DOCK9: variants seen among roughly 807,000 people sequenced by gnomAD.
The protein encoded by DOCK9 is dedicator of cytokinesis protein 9.
DOCK9 carries 89 observed loss-of-function variants against 263.3 expected under a neutral mutation model. The observed-to-expected ratio is 0.34, with a 90% CI of 0.28 to 0.40. The LOEUF (loss-of-function observed/expected upper bound fraction) is 0.40, where lower values mean the gene tolerates loss of function less well. Among genes scored for constraint, DOCK9 ranks in the 10% least tolerant of loss-of-function variants. DOCK9 has a pLI of 1.00. For missense variants in DOCK9, 2,140 were observed against 2,603.4 expected (o/e 0.82, Z 3.87); for synonymous variants, 976 against 973.1 (o/e 1.00, Z -0.06).
At chr13:98,979,643 C>T (rs148298320), upstream of DOCK9, among the ~76,000 whole-genome samples, 2,063 of 152,230 alleles carry the variant, frequency 0.014, 37 homozygotes, top group South Asian at 0.066. Flanking sequence ...TACCCAATCT[C>T]TCAACCTTGG....
Position 98,848,716 on chromosome 13 carries a change from TAAC to T in DOCK9, c.4014-80_4014-78del, listed in dbSNP as rs2141438727. On this transcript the variant is annotated intron_variant, in intron 36 of 52. Coordinates refer to ENST00000682017, the MANE Select transcript of DOCK9 (RefSeq NM_001366683.2). ...CGGGACGTTATTTATCTGTTAACAA[TAAC>T]AAATTCAATAAACATTATGTCTAGT... The T allele has an allele frequency of 2.1e-6, 3 of 1,400,562 alleles. No homozygotes were observed. In the East Asian group the frequency reaches 7.4e-5, roughly 35 times the overall value. 86.8% of individuals were successfully genotyped at this position (1,400,562 alleles called of 1,614,324 possible). A position where few individuals can be genotyped will look rare whatever the true frequency, so the allele number is the denominator to read the frequency against.
intron 1 of DOCK9, among the ~76,000 whole-genome samples, chr13:98,971,508 C>T (rs1242565489): frequency 2.3e-5 from 3 of 129,886 alleles, no homozygotes; most frequent in African/African-American, 6.4e-5. Flanking sequence ...GACATCGAGA[C>T]CATCCTGGCT....
chr13:98,949,548 G>A (rs190591245), intron 2 of DOCK9, among the ~76,000 whole-genome samples: 3 of 152,328 alleles, frequency 2.0e-5, no homozygotes, highest in Admixed American at 2.0e-4. Flanking sequence ...GGAAATGACT[G>A]TGATGAGAGG....
At chr13:99,066,335 T>C (rs2041414839) in intron 1 of DOCK9, among the ~76,000 whole-genome samples, 1 of 146,394 alleles carries the variant, frequency 6.8e-6, no homozygotes, top group African/African-American at 2.5e-5. Flanking sequence ...TTGTGTTCTA[T>C]GGAGCTTAAA....
At chr13:98,881,769 A>G (rs1280664219) in intron 24 of DOCK9, 123 bp downstream of exon 24, 1 of 1,243,410 alleles carries the variant, frequency 8.0e-7, no homozygotes, top group Non-Finnish European at 1.1e-6. Context: ...GTCCTTACAC[A>G]TGGGATCAAA....
intron 1 of DOCK9, among the ~76,000 whole-genome samples, chr13:99,046,479 T>C (rs747451457): frequency 2.0e-5 from 3 of 152,214 alleles, no homozygotes; most frequent in Non-Finnish European, 4.4e-5. Flanking sequence ...CTAACCTCCT[T>C]AGCTGCGCTC....
intron 38 of DOCK9, among the ~76,000 whole-genome samples, chr13:98,841,794 C>CATTATTATT (rs71114554): frequency 1.1e-3 from 170 of 149,206 alleles, no homozygotes; most frequent in Admixed American, 2.4e-3. Flanking sequence ...GATTTTTCTG[C>CATTATTATT]ATTATTATTA....
intron 15 of DOCK9, among the ~76,000 whole-genome samples, chr13:98,893,771 A>T (rs1003541410): frequency 2.8e-4 from 41 of 148,956 alleles, no homozygotes; most frequent in African/African-American, 1.2e-4. Context: ...AAAGATTTTT[A>T]AAAAATGAAA....
chr13:98,839,311 CTAA>C (rs1321805671), intron 38 of DOCK9, among the ~76,000 whole-genome samples: 1 of 152,198 alleles, frequency 6.6e-6, no homozygotes, highest in Middle Eastern at 3.2e-3. Flanking sequence ...TGTTGGGGTA[CTAA>C]TGTTACTTGT....
intron 15 of DOCK9, among the ~76,000 whole-genome samples, chr13:98,890,191 C>A (rs551738787): frequency 6.6e-6 from 1 of 152,250 alleles, no homozygotes; most frequent in South Asian, 2.1e-4. Flanking sequence ...ATTTAATCAG[C>A]ATGTTATAGT....
chr13:99,049,332 C>G (rs1033096954), intron 1 of DOCK9, among the ~76,000 whole-genome samples: 2 of 152,174 alleles, frequency 1.3e-5, no homozygotes, highest in Admixed American at 1.3e-4. Context: ...TGGACAGGGG[C>G]AGTGTGGTCA....
intron 30 of DOCK9, among the ~76,000 whole-genome samples, chr13:98,865,217 C>T (rs1462969907): frequency 1.3e-5 from 2 of 152,090 alleles, no homozygotes; most frequent in African/African-American, 2.4e-5. Context: ...CAGATGTGTA[C>T]CAACACATCA....
At chr13:98,991,191 C>A (rs576504424) in intron 1 of DOCK9, among the ~76,000 whole-genome samples, 18 of 152,166 alleles carry the variant, frequency 1.2e-4, no homozygotes, top group African/African-American at 4.3e-4. Context: ...TTTGCCTCAG[C>A]CTCCCCAGTA....
chr13:98,873,307 TTTC>T (rs1300370040), intron 27 of DOCK9, among the ~76,000 whole-genome samples: 1 of 152,244 alleles, frequency 6.6e-6, no homozygotes, highest in African/African-American at 2.4e-5. Flanking sequence ...CACAAATCTA[TTTC>T]TTTAGTTCTG....
chr13:98,972,471 G>A (rs1244399572), intron 1 of DOCK9, among the ~76,000 whole-genome samples: 3 of 152,170 alleles, frequency 2.0e-5, no homozygotes, highest in African/African-American at 7.2e-5. Flanking sequence ...GCATGGCAAT[G>A]AGGTAGGGAA....
intron 15 of DOCK9, among the ~76,000 whole-genome samples, chr13:98,892,774 T>G (rs1456713605): frequency 6.6e-6 from 1 of 152,050 alleles, no homozygotes; most frequent in Non-Finnish European, 1.5e-5. Context: ...GAAGGCAGAG[T>G]ATCTAGATCT....
chr13:98,793,968 T>G lies in DOCK9; in HGVS notation c.*658A>C, dbSNP rs1484969509. On this transcript the variant is annotated 3_prime_UTR_variant, in exon 53 of 53. Transcript: ENST00000682017. ...CATAACAATATACTGTACTACTTTG[T>G]ACTTTTCAGCATAGTTGCGGTTATT... 1 of 152,714 alleles carries G rather than the reference T, an allele frequency of 6.5e-6. No individual in the cohort carries two copies. Among genetic ancestry groups the G allele is most frequent in the African/African-American group, 2.4e-5 (1 of 41,472 alleles). 9.5% of individuals were successfully genotyped at this position (152,714 alleles called of 1,614,324 possible).
intron 37 of DOCK9, among the ~76,000 whole-genome samples, chr13:98,848,079 G>T (rs147969736): frequency 2.6e-5 from 4 of 152,204 alleles, no homozygotes; most frequent in African/African-American, 4.8e-5. Flanking sequence ...AAGAGAAAAG[G>T]CTCCATTTTA....
At chr13:99,008,230 ATATATTTT>A (rs1351233508) in intron 1 of DOCK9, among the ~76,000 whole-genome samples, 8 of 114,414 alleles carry the variant, frequency 7.0e-5, no homozygotes, top group African/African-American at 2.0e-4. Flanking sequence ...ATATATATAT[ATATATTTT>A]TTTTTTTTTT....
Sources: allele counts gnomAD v4.1 joint callset (sites outside exome capture counted in the v4.1 genomes callset), GRCh38; gene constraint gnomAD v4.1.1; transcripts MANE v1.5; gene names NCBI Gene and HGNC (gene_info 2026-07-23, HGNC 2026-07-21).